Variants in VPS52 observed in about 807,000 individuals in gnomAD.
The protein encoded by VPS52 is vacuolar protein sorting-associated protein 52 homolog.
A neutral mutation model predicts 98.7 loss-of-function variants in VPS52; 56 were observed. That is an observed-to-expected ratio of 0.57 (90% CI 0.46 to 0.71). The LOEUF (loss-of-function observed/expected upper bound fraction) is 0.71, where lower values mean the gene tolerates loss of function less well. Ranked by LOEUF, VPS52 falls within the 30% of genes least tolerant of loss-of-function variation. The pLI is 0.00. For synonymous variants in VPS52, 348 were observed against 346.4 expected, an observed-to-expected ratio of 1.00 and a Z score of -0.05; for missense variants, 742 against 925.9, an observed-to-expected ratio of 0.80 and a Z score of 2.58.
rs370103450 is a variant in VPS52, at chr6:33,270,297, A to C, written c.91-14T>G. The C allele has an allele frequency of 3.6e-5, 58 of 1,606,016 alleles. No individual in the cohort carries two copies. The African/African-American group carries it at 7.2e-4, about 20-fold the overall frequency. On this transcript the variant is annotated splice_polypyrimidine_tract_variant and intron_variant, in intron 1 of 19. Transcript: ENST00000445902. The stretch of plus-strand genomic sequence containing the variant: ...AGGACCACCCGCCTGGAAAGGGATA[A>C]GTTAATGGGAGTAGGGTACGGTGAA...
chr6:33,271,711 G>A lies in VPS52; in HGVS notation c.-36C>T. 3 of 1,580,136 alleles carry A rather than the reference G, an allele frequency of 1.9e-6. No individual in the cohort carries two copies. The highest frequency in any genetic ancestry group is 2.3e-5 in the East Asian group (1 of 43,316). On this transcript the variant is annotated 5_prime_UTR_variant, in exon 1 of 20. Coordinates refer to ENST00000445902, the MANE Select transcript of VPS52 (RefSeq NM_022553.6). ...CTCACTTCCGGCAACTGTCAGTCCC[G>A]GCGAGTCCGTTCCCCGGAGTGGAGC...
chr6:33,271,560 G>A (rs1333408507), intron 1 of VPS52, 26 bp downstream of exon 1: 4 of 1,581,404 alleles, frequency 2.5e-6, no homozygotes, highest in Non-Finnish European at 2.6e-6. Context: ...CGGAACTACG[G>A]AGGAGAAACA....
rs193147590 is a variant in VPS52 at position 33,266,538 on chromosome 6, C to T, written c.1281+19G>A. The T allele has an allele frequency of 1.9e-6, 3 of 1,583,834 alleles. No homozygotes were observed. The highest frequency in any genetic ancestry group is 2.2e-5 in the East Asian group (1 of 44,580). On this transcript the variant is annotated intron_variant, in intron 12 of 19. Transcript: ENST00000445902. ...CTGGGGACAAAGGTGTTGAATGGTA[C>T]AGGAAACAGGAGTCTTACCAGGGTC...
rs1211128850 is a variant in VPS52, at chr6:33,266,566, G to A, written c.1272C>T (p.Ser424=). The part of the protein sequence containing the change: ...LFHAVMGRTL[S]MTLKHLDSYL... ...GAAACAGGAGTCTTACCAGGGTCATGCTGAGTGTACGGCCCATGACAGCAT... is the reference window on the plus strand; with the variant it reads ...GAAACAGGAGTCTTACCAGGGTCATACTGAGTGTACGGCCCATGACAGCAT... Residue 424 remains serine (S), a synonymous_variant, in exon 12 of 20, where the codon AGC becomes AGT. Coordinates refer to ENST00000445902, the MANE Select transcript of VPS52 (RefSeq NM_022553.6). 1.9e-6 allele frequency: 3 copies of A among 1,605,970 alleles called. No homozygotes were observed. In the Admixed American group the frequency reaches 5.1e-5, roughly 27 times the overall value.
At position 33,267,121 on chromosome 6, in the gene VPS52, G is replaced by A; in HGVS notation, c.1125+67C>T. The A allele has an allele frequency of 1.4e-6, 2 of 1,450,152 alleles. No homozygotes were observed. The highest frequency in any genetic ancestry group is 1.8e-6 in the Non-Finnish European group (2 of 1,099,942). The allele number at this position is 1,450,152 out of a possible 1,614,324, so 89.8% of individuals were successfully genotyped here. A position where few individuals can be genotyped will look rare whatever the true frequency, so the allele number is the denominator to read the frequency against. ...TGCAGGTTGGGAAGCTCTGCCCTGAGGTCTGGCCTTCCCTCCCCACCGTGC... is the reference window on the plus strand; with the variant it reads ...TGCAGGTTGGGAAGCTCTGCCCTGAAGTCTGGCCTTCCCTCCCCACCGTGC... On this transcript the variant is annotated intron_variant, in intron 11 of 19. Coordinates refer to ENST00000445902, the MANE Select transcript of VPS52 (RefSeq NM_022553.6). This position sits in a 1 kb window ranked among gnomAD's most constrained non-coding sequence, Gnocchi z 4.2.
intron 17 of VPS52, among the ~76,000 whole-genome samples, chr6:33,261,458 C>A: frequency 6.7e-6 from 1 of 150,082 alleles, no homozygotes. Context: ...CAGAGCAAGA[C>A]TCCGTCTGAA....
chr6:33,270,792 A>C (rs990397256), intron 1 of VPS52, among the ~76,000 whole-genome samples: 1 of 149,286 alleles, frequency 6.7e-6, no homozygotes, highest in Non-Finnish European at 1.5e-5. Context: ...CTACTAAAAA[A>C]TACAAAAAAT....
Position 33,250,596 on chromosome 6 carries a change from G to A in VPS52, c.*245C>T. 1.9e-6 allele frequency: 1 copy of A among 520,874 alleles called. No individual in the cohort carries two copies. Among genetic ancestry groups the A allele is most frequent in the South Asian group, 2.9e-5 (1 of 34,300 alleles). The allele number at this position is 520,874 out of a possible 1,614,324, so 32.3% of individuals were successfully genotyped here. A position where few individuals can be genotyped will look rare whatever the true frequency, so the allele number is the denominator to read the frequency against. On this transcript the variant is annotated 3_prime_UTR_variant, in exon 20 of 20. Coordinates refer to ENST00000445902, the MANE Select transcript of VPS52 (RefSeq NM_022553.6). Reference sequence around the variant, plus strand: ...GTGACAGACTGGAGAAATGATAAAGGCCATTTTGGAAGCCCACAGGGAAGT... The same window carrying A: ...GTGACAGACTGGAGAAATGATAAAGACCATTTTGGAAGCCCACAGGGAAGT...
chr6:33,262,837 G>T (rs748331421), intron 17 of VPS52, among the ~76,000 whole-genome samples: 16 of 152,184 alleles, frequency 1.1e-4, no homozygotes, highest in Non-Finnish European at 2.2e-4. Context: ...TTGAACTCAT[G>T]TACTCATGTA....
intron 17 of VPS52, among the ~76,000 whole-genome samples, chr6:33,261,099 A>G (rs754760205): frequency 6.6e-6 from 1 of 152,116 alleles, no homozygotes; most frequent in Non-Finnish European, 1.5e-5. Flanking sequence ...TCTTTACAAA[A>G]TTAAAAAATT....
At chr6:33,256,538 A>G (rs1763002957) in intron 17 of VPS52, among the ~76,000 whole-genome samples, 1 of 148,834 alleles carries the variant, frequency 6.7e-6, no homozygotes, top group South Asian at 2.1e-4. Flanking sequence ...CATGGATAGG[A>G]AGTTTCAATA....
rs745581807 is a variant in VPS52 at position 33,251,814 on chromosome 6, C to T, written c.1906+46G>A. ...TCTGCATCCTTTCATTTTTCTTTTC[C>T]ACTTCCCTTACCACTGATCCCATCA... is the stretch of plus-strand genomic sequence containing the variant. On this transcript the variant is annotated intron_variant, in intron 18 of 19. Coordinates refer to ENST00000445902, the MANE Select transcript of VPS52 (RefSeq NM_022553.6). 6.3e-6 allele frequency: 10 copies of T among 1,593,162 alleles called. No individual in the cohort carries two copies. The South Asian group carries it at 1.0e-4, about 16-fold the overall frequency.
At chr6:33,251,282 C>T (rs1348872706) in intron 19 of VPS52, among the ~76,000 whole-genome samples, 1 of 151,408 alleles carries the variant, frequency 6.6e-6, no homozygotes, top group Non-Finnish European at 1.5e-5. Flanking sequence ...GCAGAGGTTG[C>T]AGTGAGCCGA....
At chr6:33,258,942 GCTC>G (rs2150815554) in intron 17 of VPS52, among the ~76,000 whole-genome samples, 1 of 152,254 alleles carries the variant, frequency 6.6e-6, no homozygotes, top group South Asian at 2.1e-4. Flanking sequence ...TTGTGGTGAC[GCTC>G]CTCACACAGA....
rs546986971 is a variant in VPS52, at chr6:33,267,482, C to T, written c.992-161G>A. 14 of 1,268,488 alleles carry T rather than the reference C, an allele frequency of 1.1e-5. No individual in the cohort carries two copies. In the South Asian group the frequency reaches 1.8e-4, roughly 16 times the overall value. 78.6% of individuals were successfully genotyped at this position (1,268,488 alleles called of 1,614,324 possible). ...TCTGTGAATGGGCTTCAGGGTGTCT[C>T]TCCCTCCCTTGCAATCATATGCAAA... On this transcript the variant is annotated intron_variant, in intron 10 of 19. Coordinates refer to ENST00000445902, the MANE Select transcript of VPS52 (RefSeq NM_022553.6). The surrounding 1 kb of genome is among the most constrained non-coding windows in gnomAD (Gnocchi z 4.2).
chr6:33,268,611 A>G lies in VPS52; in HGVS notation c.587T>C (p.Leu196Ser). 1.2e-6 allele frequency: 2 copies of G among 1,609,872 alleles called. No individual in the cohort carries two copies. Among genetic ancestry groups the G allele is most frequent in the Non-Finnish European group, 8.5e-7 (1 of 1,179,900 alleles). The change falls in exon 7 of 20, where the codon TTG becomes TCG. Residue 196 changes from leucine to serine, a missense_variant. Transcript: ENST00000445902. The surrounding 1 kb of genome is among the most constrained non-coding windows in gnomAD (Gnocchi z 4.0). ...GGCATCCAGCTCCTGTAGCTGCTCC[A>G]AGAACCTGGGCTCTGTCACTGGAGC... ...LEAPVTEPRF[L>S]EQLQELDAKA... is the part of the protein sequence containing the mutation.
rs887555241 is a variant in VPS52, at chr6:33,267,528, G to A, written c.991+154C>T. On this transcript the variant is annotated intron_variant, in intron 10 of 19. Transcript: ENST00000445902. This position sits in a 1 kb window ranked among gnomAD's most constrained non-coding sequence, Gnocchi z 4.2. The stretch of plus-strand genomic sequence containing the variant: ...GCAAAACTATGTGTCAAAATAATGT[G>A]TGCATCTTTCTGGGGAGGGAGGCTA... 5.9e-6 allele frequency: 7 copies of A among 1,195,624 alleles called. No homozygotes were observed. The highest frequency in any genetic ancestry group is 2.4e-6 in the Non-Finnish European group (2 of 845,164). The allele number at this position is 1,195,624 out of a possible 1,614,324, so 74.1% of individuals were successfully genotyped here.
rs368452268 is a variant in VPS52 at position 33,271,627 on chromosome 6, G to A, written c.49C>T (p.Arg17Trp). 5.6e-6 allele frequency: 9 copies of A among 1,611,524 alleles called. No homozygotes were observed. Among genetic ancestry groups the A allele is most frequent in the Non-Finnish European group, 7.6e-6 (9 of 1,179,000 alleles). Residue 17 changes from arginine to tryptophan, a missense_variant, in exon 1 of 20, where the codon CGG (arginine) becomes TGG (tryptophan). Arg to Trp is a moderately radical substitution (Grantham distance 101). Transcript: ENST00000445902. Reference sequence around the variant, plus strand: ...TCCTCCATATCTGAGGTCCCAGCCCGCAACACCAGTTCCCGGGCCGCAGCC... The same window carrying A: ...TCCTCCATATCTGAGGTCCCAGCCCACAACACCAGTTCCCGGGCCGCAGCC... ...MAAAARELVL[R>W]AGTSDMEEEE...
chr6:33,259,137 G>A (rs371567721), intron 17 of VPS52, among the ~76,000 whole-genome samples: 25 of 152,262 alleles, frequency 1.6e-4, no homozygotes, highest in African/African-American at 3.4e-4. Context: ...AGTGAGACTC[G>A]CATTTATTCA....
Sources: allele counts gnomAD v4.1 joint callset (sites outside exome capture counted in the v4.1 genomes callset), GRCh38; gene constraint gnomAD v4.1.1; non-coding constraint Gnocchi (gnomAD v3.1); transcripts MANE v1.5; gene names NCBI Gene and HGNC (gene_info 2026-07-23, HGNC 2026-07-21).